CYP4Z1: variants seen among roughly 807,000 people sequenced by gnomAD.
CYP4Z1 encodes cytochrome P450 family 4 subfamily Z member 1, also known as cytochrome P450 4Z1.
CYP4Z1 carries 41 observed loss-of-function variants against 54.2 expected under a neutral mutation model. That is an observed-to-expected ratio of 0.76 (90% confidence interval 0.59 to 0.98). The LOEUF (loss-of-function observed/expected upper bound fraction) is 0.98. CYP4Z1 is among the 50% of genes least tolerant of loss of function. The pLI is 0.00. For synonymous variants in CYP4Z1, 163 were observed against 206.2 expected, an observed-to-expected ratio of 0.79 and a Z score of 1.79; for missense variants, 513 against 599.0, an observed-to-expected ratio of 0.86 and a Z score of 1.50.
chr1:47,087,069 C>A (rs1161957411), intron 6 of CYP4Z1, among the ~76,000 whole-genome samples: 1 of 152,066 alleles, frequency 6.6e-6, no homozygotes, highest in African/African-American at 2.4e-5. Flanking sequence ...GTTTTGGTAC[C>A]AGTATCATGC....
At chr1:47,105,483 A>T (rs1644750113) in intron 8 of CYP4Z1, among the ~76,000 whole-genome samples, 1 of 152,094 alleles carries the variant, frequency 6.6e-6, no homozygotes, top group African/African-American at 2.4e-5. Context: ...CGTGGTGGGA[A>T]CGTGGATCAC....
At chr1:47,105,776 A>C (rs1644752344) in intron 8 of CYP4Z1, among the ~76,000 whole-genome samples, 1 of 152,206 alleles carries the variant, frequency 6.6e-6, no homozygotes, top group Non-Finnish European at 1.5e-5. Context: ...AATTCTAAAG[A>C]GGCAGAAATA....
chr1:47,061,673 C>A, the CYP4Z1 span, among the ~76,000 whole-genome samples: 16 of 152,198 alleles, frequency 1.1e-4, no homozygotes, highest in African/African-American at 3.9e-4. Context: ...TCTGCTCTAG[C>A]TCATTCTATA....
the CYP4Z1 span, among the ~76,000 whole-genome samples, chr1:47,058,933 G>A: frequency 6.6e-6 from 1 of 152,044 alleles, no homozygotes; most frequent in African/African-American, 2.4e-5. Flanking sequence ...ATTCACTGTG[G>A]TGTTCTAATT....
chr1:47,096,011 T>C (rs939679693), intron 7 of CYP4Z1, among the ~76,000 whole-genome samples: 1 of 152,158 alleles, frequency 6.6e-6, no homozygotes, highest in Admixed American at 6.5e-5. Context: ...GCTACCTTGA[T>C]CATGTGAAAC....
intron 9 of CYP4Z1, among the ~76,000 whole-genome samples, chr1:47,108,292 TC>T (rs1460820361): frequency 1.3e-5 from 2 of 152,014 alleles, no homozygotes; most frequent in Non-Finnish European, 2.9e-5. Flanking sequence ...CACTCCAACT[TC>T]CCCTTTGGCA....
intron 6 of CYP4Z1, among the ~76,000 whole-genome samples, chr1:47,090,781 T>TTTGAGTGTGAG (rs1290053049): frequency 6.7e-6 from 1 of 149,302 alleles, no homozygotes; most frequent in East Asian, 2.0e-4. Flanking sequence ...TTGAGTGTGA[T>TTTGAGTGTGAG]GTATCCAGGA....
At chr1:47,088,306 C>T (rs1644612797) in intron 6 of CYP4Z1, among the ~76,000 whole-genome samples, 2 of 152,016 alleles carry the variant, frequency 1.3e-5, no homozygotes. Context: ...TAGAATTTGG[C>T]TGTGAATCCA....
In CYP4Z1 at chr1:47,116,666, G is replaced by C. The variant is rs774626847; in HGVS notation, c.1283G>C (p.Arg428Thr). ...TCATTACAGGTCTTTAACCCCTTGA[G>C]ATTCTCCAGGGAAAATTCTGAAAAA... ...WEDPQVFNPL[R>T]FSRENSEKIH... The change falls in exon 11 of 12, where the codon AGA becomes ACA. Residue 428 changes from arginine (R) to threonine (T), a missense_variant. Physicochemically the swap from Arg to Thr is moderately conservative, Grantham distance 71 (BLOSUM62 -1). Coordinates refer to ENST00000334194, the MANE Select transcript of CYP4Z1 (RefSeq NM_178134.3). 6 of 1,610,826 alleles carry C rather than the reference G, an allele frequency of 3.7e-6. No homozygotes were observed. The highest frequency in any genetic ancestry group is 1.3e-5 in the African/African-American group (1 of 74,920).
chr1:47,084,784 T>C (rs1644579736), intron 5 of CYP4Z1, 40 bp downstream of exon 5: 1 of 1,612,352 alleles, frequency 6.2e-7, no homozygotes, highest in Non-Finnish European at 8.5e-7. Flanking sequence ...CCAATAACTG[T>C]GTCACCCACT....
At chr1:47,059,504 T>G in the CYP4Z1 span, among the ~76,000 whole-genome samples, 1 of 152,184 alleles carries the variant, frequency 6.6e-6, no homozygotes, top group Non-Finnish European at 1.5e-5. Flanking sequence ...TCATTTCCAG[T>G]TGGACCCATG....
chr1:47,094,484 C>A (rs1644662181), intron 6 of CYP4Z1, 82 bp from the exon 7 acceptor site: 10 of 978,196 alleles, frequency 1.0e-5, no homozygotes, highest in Admixed American at 2.7e-5. Context: ...CGATAAAGCA[C>A]CAGCTTCTCA....
At chr1:47,101,138 CTCTT>C (rs1347473151) in intron 8 of CYP4Z1, among the ~76,000 whole-genome samples, 1 of 152,102 alleles carries the variant, frequency 6.6e-6, no homozygotes, top group Non-Finnish European at 1.5e-5. Flanking sequence ...TGGATCTTCT[CTCTT>C]TTTCTCTTCA....
intron 6 of CYP4Z1, among the ~76,000 whole-genome samples, chr1:47,088,167 G>A (rs1241360692): frequency 2.0e-5 from 3 of 151,924 alleles, no homozygotes; most frequent in African/African-American, 7.3e-5. Flanking sequence ...TTTTTTTGTT[G>A]TGTCTCTGCC....
intron 9 of CYP4Z1, among the ~76,000 whole-genome samples, chr1:47,107,144 A>G (rs1405119415): frequency 4.6e-5 from 7 of 152,356 alleles, no homozygotes; most frequent in Non-Finnish European, 7.3e-5. Flanking sequence ...ACTAGGGACT[A>G]AGCATTGTTC....
At chr1:47,101,676 T>A (rs928921863) in intron 8 of CYP4Z1, among the ~76,000 whole-genome samples, 2 of 152,218 alleles carry the variant, frequency 1.3e-5, no homozygotes, top group Non-Finnish European at 2.9e-5. Flanking sequence ...ATACAGTCTA[T>A]ACTGGAAAAT....
intron 7 of CYP4Z1, among the ~76,000 whole-genome samples, chr1:47,094,879 A>G (rs927745214): frequency 6.6e-6 from 1 of 152,150 alleles, no homozygotes; most frequent in Admixed American, 6.5e-5. Context: ...ATGGTGGTGC[A>G]TGCTTGTAGT....
At chr1:47,057,327 G>GAAAAAAA in the CYP4Z1 span, among the ~76,000 whole-genome samples, 379 of 17,896 alleles carry the variant, frequency 0.021, 31 homozygotes, top group African/African-American at 0.036. Context: ...TACTTCTTAA[G>GAAAAAAA]AAAAAAAAAT....
At chr1:47,057,336 ATATATATATATATATATATATATAT>A in the CYP4Z1 span, among the ~76,000 whole-genome samples, 47 of 56,610 alleles carry the variant, frequency 8.3e-4, 2 homozygotes, top group Admixed American at 7.9e-3. Flanking sequence ...AGAAAAAAAA[ATATATATATATATATATATATATAT>A]ATATATATAT....
Sources: allele counts gnomAD v4.1 joint callset (sites outside exome capture counted in the v4.1 genomes callset), GRCh38; gene constraint gnomAD v4.1.1; transcripts MANE v1.5; gene names NCBI Gene and HGNC (gene_info 2026-07-23, HGNC 2026-07-21).